The following CYSLTR1 variants were observed in gnomAD, a reference collection of about 807,000 sequenced individuals.
CYSLTR1 encodes G-protein coupled receptor HG55.
Under a neutral mutation model 2.1 loss-of-function variants are expected in CYSLTR1, and 1 was observed. The ratio of observed to expected loss-of-function variants is 0.48; its 90% CI spans 0.17 to 2.28. CYSLTR1 has a LOEUF of 2.28. Among genes scored for constraint, CYSLTR1 ranks in the 30% most tolerant of loss-of-function variants. The pLI is 0.26. For missense variants in CYSLTR1, 299 were observed against 250.1 expected, an observed-to-expected ratio of 1.20 and a Z score of -1.32; for synonymous variants, 110 against 89.6, an observed-to-expected ratio of 1.23 and a Z score of -1.28.
chrX:78,299,823 G>A (rs1232272663), intron 1 of CYSLTR1, among the ~76,000 whole-genome samples: 1 of 111,078 alleles, frequency 9.0e-6, no homozygotes, highest in Non-Finnish European at 1.9e-5. Flanking sequence ...CTTGGATATT[G>A]ATATTTTTCT....
intron 1 of CYSLTR1, among the ~76,000 whole-genome samples, chrX:78,291,220 G>A (rs1307844199): frequency 9.0e-6 from 1 of 111,310 alleles, no homozygotes; most frequent in Non-Finnish European, 1.9e-5. Flanking sequence ...AAAATCATAT[G>A]GTTTTTATTG....
At chrX:78,308,744 T>A (rs1004605907) in intron 1 of CYSLTR1, among the ~76,000 whole-genome samples, 1 of 112,150 alleles carries the variant, frequency 8.9e-6, no homozygotes, top group Non-Finnish European at 1.9e-5. Flanking sequence ...TTAGTGCTTC[T>A]TAACTGAAAC....
At chrX:78,315,687 G>A (rs1481462710) in intron 1 of CYSLTR1, among the ~76,000 whole-genome samples, 1 of 111,438 alleles carries the variant, frequency 9.0e-6, no homozygotes, top group African/African-American at 3.3e-5. Context: ...GAATGGGGAG[G>A]GAAGAGTGGG....
At chrX:78,292,334 CA>C (rs1922378104) in intron 1 of CYSLTR1, among the ~76,000 whole-genome samples, 1 of 112,101 alleles carries the variant, frequency 8.9e-6, no homozygotes, top group Non-Finnish European at 1.9e-5. Context: ...GTCTGAGAGA[CA>C]ACTTGTTGTG....
In CYSLTR1 at chrX:78,273,588, G is replaced by GTGA. The variant is rs1262884301; in HGVS notation, c.156_158dup (p.His53dup). 8.3e-7 allele frequency: 1 copy of GTGA among 1,209,814 alleles called. No homozygotes were observed. The highest frequency in any genetic ancestry group is 2.2e-5 in the Admixed American group (1 of 45,617). On this transcript the variant is annotated inframe_insertion, in exon 3 of 3. Coordinates refer to ENST00000373304, the MANE Select transcript of CYSLTR1 (RefSeq NM_006639.4). ...TGTATACTTGGAAGGCTGACTTCTT[G>GTGA]TGATAGGTTTTTATGAGGACATAGA... is the stretch of plus-strand genomic sequence containing the variant.
intron 1 of CYSLTR1, among the ~76,000 whole-genome samples, chrX:78,284,759 T>TAAAAAAAA (rs61463264): frequency 5.5e-5 from 4 of 73,059 alleles, no homozygotes; most frequent in Non-Finnish European, 7.6e-5. Flanking sequence ...AGAACTCTAC[T>TAAAAAAAA]AAAAAAAAAA....
chrX:78,297,619 C>A (rs962633184), intron 1 of CYSLTR1, among the ~76,000 whole-genome samples: 1 of 111,017 alleles, frequency 9.0e-6, no homozygotes, highest in Non-Finnish European at 1.9e-5. Context: ...GTAGGTTGCA[C>A]GTGTCTAGCA....
chrX:78,280,874 T>C (rs1173351744), intron 2 of CYSLTR1, among the ~76,000 whole-genome samples: 6 of 111,837 alleles, frequency 5.4e-5, no homozygotes, highest in Non-Finnish European at 1.1e-4. Flanking sequence ...CTAAGGATAA[T>C]GGCCTCCAGC....
chrX:78,302,721 G>A (rs1158222884), intron 1 of CYSLTR1, among the ~76,000 whole-genome samples: 1 of 110,777 alleles, frequency 9.0e-6, no homozygotes, highest in Non-Finnish European at 1.9e-5. Flanking sequence ...CCAGGAACTG[G>A]GATCTGGAAA....
At chrX:78,307,517 G>T (rs1484964148) in intron 1 of CYSLTR1, among the ~76,000 whole-genome samples, 1 of 111,897 alleles carries the variant, frequency 8.9e-6, no homozygotes, top group Non-Finnish European at 1.9e-5. Context: ...CATCTGAATA[G>T]TAGGCCCAGG....
At chrX:78,310,198 A>T (rs868430450) in intron 1 of CYSLTR1, among the ~76,000 whole-genome samples, 43 of 111,626 alleles carry the variant, frequency 3.9e-4, no homozygotes, top group African/African-American at 1.2e-3. Context: ...ATTCAAGACT[A>T]CAATAATATT....
chrX:78,302,387 C>A (rs761768842), intron 1 of CYSLTR1, among the ~76,000 whole-genome samples: 2 of 111,626 alleles, frequency 1.8e-5, no homozygotes, highest in South Asian at 7.6e-4. Flanking sequence ...AACTTAAAGA[C>A]CACATTGGGG....
At chrX:78,320,721 T>A (rs1200113055) in intron 1 of CYSLTR1, 1 of 111,784 alleles carries the variant, frequency 8.9e-6, no homozygotes, top group African/African-American at 3.3e-5. Context: ...ATTTTCACGA[T>A]CTTGATTCTT....
At chrX:78,296,374 A>T (rs1173631288) in intron 1 of CYSLTR1, among the ~76,000 whole-genome samples, 4 of 111,658 alleles carry the variant, frequency 3.6e-5, no homozygotes, top group African/African-American at 1.3e-4. Context: ...AGCTTTGGCT[A>T]TTCTGGGTCT....
chrX:78,280,642 A>T (rs979633678), intron 2 of CYSLTR1, among the ~76,000 whole-genome samples: 1 of 109,238 alleles, frequency 9.2e-6, no homozygotes, highest in African/African-American at 3.3e-5. Context: ...GTTCTTTTTT[A>T]TCTATACAAT....
At chrX:78,307,250 C>A (rs1923062630) in intron 1 of CYSLTR1, among the ~76,000 whole-genome samples, 1 of 111,765 alleles carries the variant, frequency 8.9e-6, no homozygotes, top group South Asian at 3.7e-4. Context: ...TCCTCCGAGG[C>A]TTAAGGTCCT....
Position 78,273,479 on chromosome X carries a change from G to C in CYSLTR1, c.268C>G (p.Leu90Val), listed in dbSNP as rs376743534. Residue 90 changes from leucine (L) to valine (V), a missense_variant, in exon 3 of 3, where the codon CTC (leucine) becomes GTC (valine). Coordinates refer to ENST00000373304, the MANE Select transcript of CYSLTR1 (RefSeq NM_006639.4). ...VVYYVHKGIW[L>V]FGDFLCRLST... is the part of the protein sequence containing the mutation. ...AGGCGGCACAAGAAGTCACCAAAGAGCCAAATGCCTTTGTGAACATAATAG... is the reference window on the plus strand; with the variant it reads ...AGGCGGCACAAGAAGTCACCAAAGACCCAAATGCCTTTGTGAACATAATAG... 4 of 1,210,083 alleles carry C rather than the reference G, an allele frequency of 3.3e-6. No homozygotes were observed. The highest frequency in any genetic ancestry group is 4.5e-6 in the Non-Finnish European group (4 of 895,275).
chrX:78,307,452 T>C (rs1369814895), intron 1 of CYSLTR1, among the ~76,000 whole-genome samples: 3 of 111,817 alleles, frequency 2.7e-5, no homozygotes, highest in Admixed American at 1.9e-4. Context: ...GAGATATCTC[T>C]CCTCGAAATC....
intron 1 of CYSLTR1, among the ~76,000 whole-genome samples, chrX:78,294,414 C>T (rs1224816430): frequency 1.8e-5 from 2 of 112,720 alleles, no homozygotes; most frequent in Non-Finnish European, 3.8e-5. Flanking sequence ...AGGTGACTCC[C>T]TGTTAGTCTA....
Sources: gnomAD v4.1 joint callset for allele counts (sites outside exome capture counted in the v4.1 genomes callset) on GRCh38, gnomAD v4.1.1 for gene constraint, MANE v1.5 for transcripts, NCBI Gene and HGNC (gene_info 2026-07-23, HGNC 2026-07-21) for gene names.